ADCY9: variants seen among roughly 807,000 people sequenced by gnomAD.
ADCY9 encodes the protein adenylate cyclase 9, also known as adenylate cyclase type 9.
ADCY9 carries 50 observed loss-of-function variants against 101.5 expected under a neutral mutation model. That is an observed-to-expected ratio of 0.49 (90% CI 0.39 to 0.62). The LOEUF (loss-of-function observed/expected upper bound fraction) is 0.62, where lower values mean the gene tolerates loss of function less well. Among genes scored for constraint, ADCY9 ranks in the 20% least tolerant of loss-of-function variants. The pLI is 0.00. For synonymous variants in ADCY9, 905 were observed against 769.3 expected (o/e 1.18, Z -2.92); for missense variants, 1,662 against 1,800.4 (o/e 0.92, Z 1.39).
At chr16:4,102,059 C>A (rs1375393027) in intron 2 of ADCY9, among the ~76,000 whole-genome samples, 5 of 152,136 alleles carry the variant, frequency 3.3e-5, no homozygotes, top group Admixed American at 2.6e-4. Flanking sequence ...CTGAACGACA[C>A]AAGATGTGCG....
rs1313481276 is a variant in ADCY9 at position 4,057,885 on chromosome 16, TAAG to T, written c.1694-50330_1694-50328del. On this transcript the variant is annotated intron_variant, in intron 2 of 10. Transcript: ENST00000294016. ...GGGAACCCAAGGTCACAAAGGACTC[TAAG>T]AAGGAGAGTTGAGTAATCCCAGCAC... Among the ~76,000 whole-genome samples the T allele has an allele frequency of 2.0e-5, 3 of 151,962 alleles. No homozygotes were observed. In the South Asian group the frequency reaches 6.2e-4, roughly 31 times the overall value.
At chr16:3,974,840 G>A (rs1423865746) in intron 9 of ADCY9, 130 bp from the exon 10 acceptor site, 5 of 674,482 alleles carry the variant, frequency 7.4e-6, no homozygotes, top group Non-Finnish European at 1.3e-5. Context: ...AAAGCCACCT[G>A]CTCCCACCTC....
intron 5 of ADCY9, among the ~76,000 whole-genome samples, chr16:3,957,484 G>T (rs180779420): frequency 6.6e-6 from 1 of 152,156 alleles, no homozygotes; most frequent in Non-Finnish European, 1.5e-5. Context: ...GAGTCAGGGA[G>T]GGGGAGGGTG....
At chr16:4,085,507 A>G (rs1160088062) in intron 2 of ADCY9, among the ~76,000 whole-genome samples, 2 of 151,990 alleles carry the variant, frequency 1.3e-5, no homozygotes, top group African/African-American at 4.8e-5. Flanking sequence ...AGAAAAAGCA[A>G]CTCCTGGTCA....
At chr16:4,041,736 T>G (rs1162707428) in intron 2 of ADCY9, among the ~76,000 whole-genome samples, 1 of 151,064 alleles carries the variant, frequency 6.6e-6, no homozygotes, top group Non-Finnish European at 1.5e-5. Flanking sequence ...TTTTTGTTTT[T>G]ATTTATCTGA....
intron 2 of ADCY9, among the ~76,000 whole-genome samples, chr16:4,110,061 C>T (rs970006720): frequency 2.6e-5 from 4 of 152,302 alleles, no homozygotes; most frequent in South Asian, 2.1e-4. Context: ...GATCTCAGGA[C>T]CCAGCTCCAG....
intron 2 of ADCY9, among the ~76,000 whole-genome samples, chr16:4,060,025 C>T (rs543384896): frequency 6.6e-6 from 1 of 152,320 alleles, no homozygotes; most frequent in East Asian, 1.9e-4. Flanking sequence ...CTACATCTAC[C>T]AGGGTGGGAC....
chr16:4,082,565 C>CGG (rs1272348470), intron 2 of ADCY9, among the ~76,000 whole-genome samples: 2 of 152,242 alleles, frequency 1.3e-5, no homozygotes, highest in East Asian at 3.9e-4. Context: ...GATGCACACA[C>CGG]GCACACACAC....
At chr16:4,108,299 G>T (rs567968297) in intron 2 of ADCY9, among the ~76,000 whole-genome samples, 2 of 150,412 alleles carry the variant, frequency 1.3e-5, no homozygotes, top group South Asian at 4.2e-4. Context: ...GTTCCCTCAG[G>T]CCTAGCGGTT....
rs181898213 is a variant in ADCY9, at chr16:3,977,641, C to T, written c.2680-11G>A. The T allele has an allele frequency of 9.4e-4, 1,510 of 1,612,332 alleles. 2 individuals are homozygous for T. Among genetic ancestry groups the T allele is most frequent in the Non-Finnish European group, 1.2e-3 (1,458 of 1,179,554 alleles). Reference sequence around the variant, plus strand: ...TGTGAACACTGGGAACTGCAAGAGGCGAAGGGTTAGGACAGCCGCCCAGGG... The same window carrying T: ...TGTGAACACTGGGAACTGCAAGAGGTGAAGGGTTAGGACAGCCGCCCAGGG... On this transcript the variant is annotated splice_polypyrimidine_tract_variant and intron_variant, in intron 8 of 10. Transcript: ENST00000294016.
chr16:4,072,964 T>A (rs904624731), intron 2 of ADCY9, among the ~76,000 whole-genome samples: 5 of 136,882 alleles, frequency 3.7e-5, no homozygotes, highest in East Asian at 2.2e-4. Flanking sequence ...GCAAAAAAAA[T>A]TTTTCAACAC....
At chr16:4,086,283 A>AC (rs1382657880) in intron 2 of ADCY9, among the ~76,000 whole-genome samples, 1 of 150,580 alleles carries the variant, frequency 6.6e-6, no homozygotes, top group Non-Finnish European at 1.5e-5. Flanking sequence ...GGTGCCTTCC[A>AC]CAGAGGGTCC....
Position 4,114,479 on chromosome 16 carries a change from C to T in ADCY9, c.964G>A (p.Asp322Asn). Residue 322 changes from aspartate to asparagine, a missense_variant, in exon 2 of 11, where the codon GAC becomes AAC. Coordinates refer to ENST00000294016, the MANE Select transcript of ADCY9 (RefSeq NM_001116.4). This position sits in a 1 kb window ranked among gnomAD's most constrained non-coding sequence, Gnocchi z 4.3. Reference protein sequence around the residue: ...KVGQSIMHGKDLEVEKALKER... With the variant: ...KVGQSIMHGKNLEVEKALKER... ...TTGAGGGCTTTTTCCACTTCCAGGTCCTTCCCGTGCATAATGGATTGCCCC... is the reference window on the plus strand; with the variant it reads ...TTGAGGGCTTTTTCCACTTCCAGGTTCTTCCCGTGCATAATGGATTGCCCC... 3 of 1,614,160 alleles carry T rather than the reference C, an allele frequency of 1.9e-6. No individual in the cohort carries two copies. Among genetic ancestry groups the T allele is most frequent in the Non-Finnish European group, 2.5e-6 (3 of 1,180,042 alleles).
chr16:4,044,350 A>C (rs922253431), intron 2 of ADCY9, among the ~76,000 whole-genome samples: 2 of 150,824 alleles, frequency 1.3e-5, no homozygotes, highest in Non-Finnish European at 3.0e-5. Flanking sequence ...CCATCTCAAA[A>C]AAAACAAAAA....
intron 2 of ADCY9, among the ~76,000 whole-genome samples, chr16:4,016,459 G>A (rs1243681664): frequency 1.3e-5 from 2 of 152,148 alleles, no homozygotes; most frequent in Non-Finnish European, 2.9e-5. Context: ...GCAGAGGGAG[G>A]GGGTCAGGTC....
chr16:3,977,136 A>ACC (rs2056098807), intron 9 of ADCY9, among the ~76,000 whole-genome samples: 1 of 152,130 alleles, frequency 6.6e-6, no homozygotes, highest in African/African-American at 2.4e-5. Context: ...CATGGCCTTG[A>ACC]CCATCTTCTA....
intron 2 of ADCY9, among the ~76,000 whole-genome samples, chr16:4,009,251 ATGTTT>A (rs113201607): frequency 0.95 from 142,713 of 150,968 alleles, 67,921 homozygotes; most frequent in East Asian, 1. Context: ...GAAACTCTTC[ATGTTT>A]TGTTTTGTTT....
At position 3,963,842 on chromosome 16, in the gene ADCY9, GA is replaced by G. The variant is rs78932329; in HGVS notation, c.*1932del. On this transcript the variant is annotated 3_prime_UTR_variant, in exon 11 of 11. Coordinates refer to ENST00000294016, the MANE Select transcript of ADCY9 (RefSeq NM_001116.4). Reference sequence around the variant, plus strand: ...AAAGCATCAGGTAGTGTTTTTTAAGGAAAAAAAAAAATCTGCGGTGTTTTAT... The same window carrying G: ...AAAGCATCAGGTAGTGTTTTTTAAGGAAAAAAAAAATCTGCGGTGTTTTAT... 0.11 allele frequency: 16,066 copies of G among 148,568 alleles called. 1,648 individuals are homozygous for G. Among genetic ancestry groups the G allele is most frequent in the African/African-American group, 0.26 (10,737 of 40,708 alleles). 9.2% of individuals were successfully genotyped at this position (148,568 alleles called of 1,614,324 possible). A position where few individuals can be genotyped will look rare whatever the true frequency, so the allele number is the denominator to read the frequency against.
chr16:4,045,593 T>TCA (rs1567452151), intron 2 of ADCY9, among the ~76,000 whole-genome samples: 36 of 10,124 alleles, frequency 3.6e-3, no homozygotes, highest in Non-Finnish European at 0.01. Context: ...AGACTCTGCC[T>TCA]TAAAAAAAAA....
Sources: gnomAD v4.1 joint callset for allele counts (sites outside exome capture counted in the v4.1 genomes callset) on GRCh38, gnomAD v4.1.1 for gene constraint, Gnocchi (gnomAD v3.1) non-coding constraint, MANE v1.5 for transcripts, NCBI Gene and HGNC (gene_info 2026-07-23, HGNC 2026-07-21) for gene names.